The following RNF220 variants were observed in gnomAD, a reference collection of about 807,000 sequenced individuals.
RNF220 encodes ring finger protein 220.
Under a neutral mutation model 67.1 loss-of-function variants are expected in RNF220, and 7 were observed. The ratio of observed to expected loss-of-function variants is 0.10; its 90% CI spans 0.06 to 0.20. The LOEUF is 0.20. Among genes scored for constraint, RNF220 ranks in the 10% least tolerant of loss-of-function variants. The pLI is 1.00. For missense variants in RNF220, 565 were observed against 740.3 expected (o/e 0.76, Z 2.75); for synonymous variants, 270 against 283.2 (o/e 0.95, Z 0.47).
rs115532921 is a variant in RNF220, at chr1:44,606,295, G to A, written c.626-7870G>A. The stretch of plus-strand genomic sequence containing the variant: ...ATAGTCTTGGGGCCTCGTTCATATT[G>A]ACTGAAGGTAAAAAATGCCATCTGT... On this transcript the variant is annotated intron_variant, in intron 2 of 14. Coordinates refer to ENST00000361799, the MANE Select transcript of RNF220 (RefSeq NM_018150.4). This position sits in a 1 kb window ranked among gnomAD's most constrained non-coding sequence, Gnocchi z 4.2. 1.3e-3 allele frequency among the ~76,000 whole-genome samples: 205 copies of A among 152,294 alleles called. 1 individual carries two copies. The highest frequency in any genetic ancestry group is 4.8e-3 in the African/African-American group (201 of 41,552).
intron 2 of RNF220, among the ~76,000 whole-genome samples, chr1:44,524,949 T>G (rs928562870): frequency 2.0e-5 from 3 of 151,328 alleles, no homozygotes; most frequent in Non-Finnish European, 4.4e-5. Flanking sequence ...ACTGTGACTC[T>G]CTCTTCAGCT....
chr1:44,539,262 C>T (rs971463280), intron 2 of RNF220, among the ~76,000 whole-genome samples: 3 of 152,016 alleles, frequency 2.0e-5, no homozygotes, highest in East Asian at 1.9e-4. Flanking sequence ...TCCTATGGTT[C>T]GCCGTGAGCC....
intron 2 of RNF220, among the ~76,000 whole-genome samples, chr1:44,413,558 C>T (rs1648214651): frequency 1.3e-5 from 2 of 152,290 alleles, no homozygotes; most frequent in South Asian, 4.2e-4. Context: ...CAATCTTTTG[C>T]TCTAATATAA....
chr1:44,630,519 G>A (rs1644085579), intron 5 of RNF220, among the ~76,000 whole-genome samples: 1 of 152,244 alleles, frequency 6.6e-6, no homozygotes, highest in African/African-American at 2.4e-5. Flanking sequence ...TCTCCTTCAT[G>A]CAAGACGCTG....
intron 2 of RNF220, among the ~76,000 whole-genome samples, chr1:44,487,708 T>TAAC (rs1227125553): frequency 1.4e-5 from 2 of 146,720 alleles, no homozygotes; most frequent in South Asian, 2.1e-4. Flanking sequence ...ATAATAATAA[T>TAAC]AACAATAATA....
Position 44,412,529 on chromosome 1 carries a change from C to T in RNF220, c.432C>T (p.Asn144=), listed in dbSNP as rs1648070609. ...SAFTPAKRLK[N]CHDTESPHLR... is the part of the protein sequence containing the mutation. ...TTACGCCGGCCAAGCGACTTAAGAACTGCCATGACACAGAGTCTCCCCACT... is the reference window on the plus strand; with the variant it reads ...TTACGCCGGCCAAGCGACTTAAGAATTGCCATGACACAGAGTCTCCCCACT... Residue 144 remains asparagine (N), a synonymous_variant, in exon 2 of 15, where the codon AAC becomes AAT. Coordinates refer to ENST00000361799, the MANE Select transcript of RNF220 (RefSeq NM_018150.4). The surrounding 1 kb of genome is among the most constrained non-coding windows in gnomAD (Gnocchi z 5.3). The T allele has an allele frequency of 3.7e-6, 6 of 1,614,122 alleles. No homozygotes were observed. Among genetic ancestry groups the T allele is most frequent in the Non-Finnish European group, 5.1e-6 (6 of 1,179,982 alleles).
In RNF220 at chr1:44,650,515, C is replaced by T; in HGVS notation, c.1630-189C>T. On this transcript the variant is annotated intron_variant, in intron 14 of 14. Coordinates refer to ENST00000361799, the MANE Select transcript of RNF220 (RefSeq NM_018150.4). The surrounding 1 kb of genome is among the most constrained non-coding windows in gnomAD (Gnocchi z 4.3). Reference sequence around the variant, plus strand: ...GCGGGGCTGGCCAGGCGGTTTGATCCTGGCGTCCCCCCAACACAGGAGCGT... The same window carrying T: ...GCGGGGCTGGCCAGGCGGTTTGATCTTGGCGTCCCCCCAACACAGGAGCGT... 1.6e-6 allele frequency: 1 copy of T among 616,024 alleles called. No individual in the cohort carries two copies. Among genetic ancestry groups the T allele is most frequent in the Non-Finnish European group, 2.9e-6 (1 of 346,246 alleles). The allele number at this position is 616,024 out of a possible 1,614,324, so 38.2% of individuals were successfully genotyped here. A position where few individuals can be genotyped will look rare whatever the true frequency, so the allele number is the denominator to read the frequency against.
intron 5 of RNF220, among the ~76,000 whole-genome samples, chr1:44,630,500 C>T (rs1462159723): frequency 3.9e-5 from 6 of 152,244 alleles, no homozygotes; most frequent in Admixed American, 3.9e-4. Context: ...TCTCCCGTTC[C>T]CACTGGTGTC....
At chr1:44,493,189 A>G (rs1335541938) in intron 2 of RNF220, among the ~76,000 whole-genome samples, 1 of 152,226 alleles carries the variant, frequency 6.6e-6, no homozygotes, top group Non-Finnish European at 1.5e-5. Context: ...GTTGTGTAAA[A>G]TTACCTTCAG....
intron 2 of RNF220, among the ~76,000 whole-genome samples, chr1:44,611,571 T>A (rs1258180014): frequency 2.6e-5 from 4 of 152,336 alleles, no homozygotes; most frequent in Admixed American, 2.0e-4. Context: ...TCCAGCAACC[T>A]GTCAACTCCC....
intron 6 of RNF220, among the ~76,000 whole-genome samples, chr1:44,633,240 T>C (rs1482517574): frequency 6.6e-6 from 1 of 152,228 alleles, no homozygotes; most frequent in Non-Finnish European, 1.5e-5. Context: ...ACAACGCCTC[T>C]GAGAAGAGTA....
intron 5 of RNF220, among the ~76,000 whole-genome samples, chr1:44,630,613 G>C (rs1194321377): frequency 1.5e-5 from 2 of 133,652 alleles, no homozygotes; most frequent in African/African-American, 5.8e-5. Flanking sequence ...TGATCAAAGA[G>C]AAGCAGTGGA....
At chr1:44,646,837 G>C (rs1644665278) in intron 12 of RNF220, among the ~76,000 whole-genome samples, 1 of 152,152 alleles carries the variant, frequency 6.6e-6, no homozygotes, top group Non-Finnish European at 1.5e-5. Flanking sequence ...TGCTGAGACT[G>C]GGGCCCATCA....
intron 2 of RNF220, among the ~76,000 whole-genome samples, chr1:44,552,853 G>A (rs1437520195): frequency 6.6e-6 from 1 of 152,128 alleles, no homozygotes; most frequent in Non-Finnish European, 1.5e-5. Flanking sequence ...ACAGGCGTGA[G>A]CCACTGCGCC....
intron 1 of RNF220, among the ~76,000 whole-genome samples, chr1:44,407,504 G>C (rs1647470531): frequency 6.6e-6 from 1 of 152,058 alleles, no homozygotes; most frequent in South Asian, 2.1e-4. Context: ...CAGAGACCCG[G>C]CAAAAGTGGC....
At chr1:44,533,919 G>T (rs193031237) in intron 2 of RNF220, among the ~76,000 whole-genome samples, 10 of 152,362 alleles carry the variant, frequency 6.6e-5, no homozygotes, top group Non-Finnish European at 1.5e-4. Context: ...GGGCCTAGGA[G>T]ATGAGCCCGA....
chr1:44,567,868 A>C (rs547013659), intron 2 of RNF220, among the ~76,000 whole-genome samples: 2 of 151,670 alleles, frequency 1.3e-5, no homozygotes, highest in South Asian at 4.2e-4. Flanking sequence ...CCTGCTGAAA[A>C]CCTGCCTGGG....
intron 2 of RNF220, among the ~76,000 whole-genome samples, chr1:44,604,414 T>G (rs879522346): frequency 3.9e-5 from 6 of 151,974 alleles, no homozygotes; most frequent in Admixed American, 3.9e-4. Context: ...AGAAACTGAA[T>G]TGTAGCTCCA....
rs368891059 is a variant in RNF220 at position 44,552,563 on chromosome 1, C to CTTTTTTTTT, written c.626-61600_626-61599insTTTTTTTTT. 2.4e-4 allele frequency among the ~76,000 whole-genome samples: 17 copies of CTTTTTTTTT among 71,332 alleles called. 1 individual carries two copies. The highest frequency in any genetic ancestry group is 4.2e-4 in the Admixed American group (2 of 4,714). 46.8% of individuals were successfully genotyped at this position (71,332 alleles called of 152,430 possible). On this transcript the variant is annotated intron_variant, in intron 2 of 14. Coordinates refer to ENST00000361799, the MANE Select transcript of RNF220 (RefSeq NM_018150.4). ...AATGGCTCCCTGCTATTCTAAACTT[C>CTTTTTTTTT]TTCTTTTTTTTTTTTTTTTTTTTTT...
Sources: allele counts gnomAD v4.1 joint callset (sites outside exome capture counted in the v4.1 genomes callset), GRCh38; gene constraint gnomAD v4.1.1; non-coding constraint Gnocchi (gnomAD v3.1); transcripts MANE v1.5; gene names NCBI Gene and HGNC (gene_info 2026-07-23, HGNC 2026-07-21).